COL24A1: variants seen among roughly 807,000 people sequenced by gnomAD.
COL24A1 encodes collagen alpha-1(XXIV) chain.
A neutral mutation model predicts 253.9 loss-of-function variants in COL24A1; 224 were observed. The ratio of observed to expected loss-of-function variants is 0.88; its 90% CI spans 0.79 to 0.99. The LOEUF is 0.99. COL24A1 is among the 50% of genes least tolerant of loss of function. The pLI is 0.00. For missense variants in COL24A1, 2,131 were observed against 2,068.5 expected (o/e 1.03, Z -0.59); for synonymous variants, 685 against 673.7 (o/e 1.02, Z -0.26).
chr1:85,740,659 C>T (rs752311593), intron 57 of COL24A1, among the ~76,000 whole-genome samples: 27 of 151,768 alleles, frequency 1.8e-4, no homozygotes, highest in Non-Finnish European at 3.2e-4. Flanking sequence ...AGTTTCACCA[C>T]GTTGGCCTGG....
intron 53 of COL24A1, among the ~76,000 whole-genome samples, chr1:85,770,423 A>T (rs1667826760): frequency 6.6e-6 from 1 of 151,692 alleles, no homozygotes; most frequent in Non-Finnish European, 1.5e-5. Context: ...AATCTCCCTC[A>T]TTTTATTCCA....
chr1:85,906,194 G>A (rs1481202), intron 28 of COL24A1, among the ~76,000 whole-genome samples: 101,695 of 148,554 alleles, frequency 0.68, 34,780 homozygotes, highest in East Asian at 0.79. Context: ...ATATGACTTT[G>A]AAGTCATTAC....
Position 85,813,768 on chromosome 1 carries a change from G to C in COL24A1, c.3951+3020C>G, listed in dbSNP as rs191205123. ...GGGTTTCACCGTTTTAGCCGGGATGGTCTCGATCTCCTGACCTCGTGATCC... is the reference window on the plus strand; with the variant it reads ...GGGTTTCACCGTTTTAGCCGGGATGCTCTCGATCTCCTGACCTCGTGATCC... On this transcript the variant is annotated intron_variant, in intron 47 of 59. Transcript: ENST00000370571. Among the ~76,000 whole-genome samples the C allele has an allele frequency of 1.0e-3, 153 of 151,682 alleles. 3 individuals carry two copies. Among genetic ancestry groups the C allele is most frequent in the Admixed American group, 9.5e-3 (145 of 15,228 alleles).
intron 14 of COL24A1, among the ~76,000 whole-genome samples, chr1:86,023,419 T>G (rs1208196991): frequency 1.3e-5 from 2 of 152,154 alleles, no homozygotes; most frequent in Non-Finnish European, 2.9e-5. Context: ...CAGCAAATAT[T>G]TTTTGAGGAG....
In COL24A1 at chr1:85,935,919, C is replaced by T. The variant is rs190345173; in HGVS notation, c.2563-24486G>A. Reference sequence around the variant, plus strand: ...GCAATAAGCTCCTTCAAGATTTAGGCCTTAGCAGAGAGGCCTATATCCAAA... The same window carrying T: ...GCAATAAGCTCCTTCAAGATTTAGGTCTTAGCAGAGAGGCCTATATCCAAA... On this transcript the variant is annotated intron_variant, in intron 24 of 59. Transcript: ENST00000370571. 8.1e-5 allele frequency among the ~76,000 whole-genome samples: 12 copies of T among 147,572 alleles called. 2 individuals are homozygous for T. The East Asian group carries it at 1.9e-3, about 24-fold the overall frequency.
chr1:85,776,100 GT>G (rs1668515295), intron 52 of COL24A1, among the ~76,000 whole-genome samples: 3 of 152,068 alleles, frequency 2.0e-5, no homozygotes, highest in Admixed American at 2.0e-4. Context: ...TTCTGGGATG[GT>G]TTCCCTTCTC....
chr1:85,760,264 CA>C (rs1241877952), intron 55 of COL24A1, among the ~76,000 whole-genome samples: 4 of 151,856 alleles, frequency 2.6e-5, no homozygotes, highest in Non-Finnish European at 2.9e-5. Context: ...AGGCTGGTCT[CA>C]AACTCCTGAC....
intron 26 of COL24A1, 93 bp downstream of exon 26, chr1:85,909,857 A>G: frequency 1.0e-6 from 1 of 988,120 alleles, no homozygotes; most frequent in South Asian, 1.3e-5. Flanking sequence ...TTTTTTACTC[A>G]GTTAAATTCC....
Position 85,868,766 on chromosome 1 carries a change from T to C in COL24A1, c.3192+16A>G. ...AAAACATCTATTTTATATATAATCT[T>C]AAAAGTATAATTTACCTTTAACCCA... On this transcript the variant is annotated intron_variant, in intron 36 of 59. Coordinates refer to ENST00000370571, the MANE Select transcript of COL24A1 (RefSeq NM_152890.7). 6.6e-7 allele frequency: 1 copy of C among 1,510,268 alleles called. No homozygotes were observed. The highest frequency in any genetic ancestry group is 2.0e-5 in the Admixed American group (1 of 51,104). 93.6% of individuals were successfully genotyped at this position (1,510,268 alleles called of 1,614,324 possible). A position where few individuals can be genotyped will look rare whatever the true frequency, so the allele number is the denominator to read the frequency against.
intron 20 of COL24A1, among the ~76,000 whole-genome samples, chr1:85,973,287 A>G (rs1278825532): frequency 1.3e-5 from 2 of 152,190 alleles, no homozygotes; most frequent in Admixed American, 6.6e-5. Context: ...CCCTAAGTAT[A>G]TAATTATCAG....
At chr1:86,022,725 C>G in intron 16 of COL24A1, 108 bp downstream of exon 16, 1 of 1,234,208 alleles carries the variant, frequency 8.1e-7, no homozygotes, top group East Asian at 2.6e-5. Flanking sequence ...ATAATTGATA[C>G]TACAAATTAG....
At chr1:85,795,144 G>A (rs2101711624) in intron 47 of COL24A1, among the ~76,000 whole-genome samples, 1 of 152,322 alleles carries the variant, frequency 6.6e-6, no homozygotes, top group Middle Eastern at 3.4e-3. Flanking sequence ...GTTAAGGAAA[G>A]AAGGCATTGC....
chr1:85,737,566 C>T, intron 57 of COL24A1, 61 bp from the exon 58 acceptor site: 29 of 930,626 alleles, frequency 3.1e-5, no homozygotes, highest in South Asian at 1.2e-4. Flanking sequence ...CTTATAATTT[C>T]TTTTTTTTTT....
At position 86,125,014 on chromosome 1, in the gene COL24A1, A is replaced by G. The variant is rs1169374387; in HGVS notation, c.1322T>C (p.Val441Ala). The G allele has an allele frequency of 2.5e-6, 4 of 1,613,260 alleles. No homozygotes were observed. The highest frequency in any genetic ancestry group is 4.5e-5 in the East Asian group (2 of 44,840). Residue 441 changes from valine (V) to alanine (A), a missense_variant, in exon 3 of 60, where the codon GTG becomes GCG. By Grantham distance (64) the Val-to-Ala change is moderately conservative. Coordinates refer to ENST00000370571, the MANE Select transcript of COL24A1 (RefSeq NM_152890.7). ...TTTCCTTAGATCAAGGTGATTATCC[A>G]CAGATGGCTCATTTGTCACTCTATG... ...SLHRVTNEPS[V>A]DNHLDLRKEG... is the part of the protein sequence containing the mutation.
At chr1:85,787,710 T>G (rs1669831313) in intron 47 of COL24A1, among the ~76,000 whole-genome samples, 1 of 152,182 alleles carries the variant, frequency 6.6e-6, no homozygotes, top group Non-Finnish European at 1.5e-5. Context: ...TGATATATAT[T>G]GCTTTGGGTA....
intron 1 of COL24A1, among the ~76,000 whole-genome samples, chr1:86,147,907 A>C (rs1347499438): frequency 6.6e-6 from 1 of 152,188 alleles, no homozygotes; most frequent in Non-Finnish European, 1.5e-5. Flanking sequence ...GTGGTTTTCA[A>C]ACTTTAGTGT....
chr1:86,002,619 C>T (rs1256241760), intron 19 of COL24A1, among the ~76,000 whole-genome samples: 1 of 152,080 alleles, frequency 6.6e-6, no homozygotes, highest in Non-Finnish European at 1.5e-5. Context: ...CACCCCAATC[C>T]ACTACATACG....
intron 53 of COL24A1, among the ~76,000 whole-genome samples, chr1:85,763,021 T>TA (rs1186499823): frequency 6.6e-6 from 1 of 152,162 alleles, no homozygotes; most frequent in Admixed American, 6.5e-5. Flanking sequence ...GTAGCCAAGT[T>TA]AAAAAAATAT....
chr1:85,995,836 C>T (rs1220727753), intron 19 of COL24A1, among the ~76,000 whole-genome samples: 1 of 152,144 alleles, frequency 6.6e-6, no homozygotes. Flanking sequence ...TCCCTTCTCT[C>T]TTCCTCCTGC....
Sources: allele counts gnomAD v4.1 joint callset (sites outside exome capture counted in the v4.1 genomes callset), GRCh38; gene constraint gnomAD v4.1.1; transcripts MANE v1.5; gene names NCBI Gene and HGNC (gene_info 2026-07-23, HGNC 2026-07-21).